Variants in BAZ2A observed in about 807,000 individuals in gnomAD.
BAZ2A encodes the protein bromodomain adjacent to zinc finger domain protein 2A.
A neutral mutation model predicts 199.9 loss-of-function variants in BAZ2A; 34 were observed. That is an observed-to-expected ratio of 0.17 (90% CI 0.13 to 0.23). BAZ2A has a LOEUF of 0.23. Ranked by LOEUF, BAZ2A falls within the 10% of genes least tolerant of loss-of-function variation. The pLI, the probability that BAZ2A is intolerant of heterozygous loss-of-function variation, is 1.00. For synonymous variants in BAZ2A, 857 were observed against 883.9 expected (o/e 0.97, Z 0.54); for missense variants, 2,002 against 2,391.1 (o/e 0.84, Z 3.39).
chr12:56,611,326 C>T, intron 7 of BAZ2A: 5 of 564,164 alleles, frequency 8.9e-6, no homozygotes, highest in Non-Finnish European at 1.6e-5. Context: ...AGCTGGAGCT[C>T]CTTGGGCAAA....
At chr12:56,606,199 G>T (rs1950346427) in intron 12 of BAZ2A, 48 bp downstream of exon 12, 2 of 1,611,538 alleles carry the variant, frequency 1.2e-6, no homozygotes, top group Non-Finnish European at 1.7e-6. Context: ...TGCAAAATCA[G>T]TTTAGTGGCT....
chr12:56,617,888 T>C (rs1950774843), intron 1 of BAZ2A, among the ~76,000 whole-genome samples: 1 of 152,074 alleles, frequency 6.6e-6, no homozygotes, highest in Non-Finnish European at 1.5e-5. Context: ...CACTTAACAT[T>C]CTCCATCCTT....
chr12:56,633,625 C>T (rs142796267), upstream of BAZ2A, among the ~76,000 whole-genome samples: 413 of 152,178 alleles, frequency 2.7e-3, 8 homozygotes, highest in Admixed American at 0.023. Flanking sequence ...TAGACCCCCC[C>T]ACCAGGTTAA....
At position 56,617,394 on chromosome 12, in the gene BAZ2A, C is replaced by T; in HGVS notation, c.136+1G>A. 2.5e-6 allele frequency: 4 copies of T among 1,597,764 alleles called. No homozygotes were observed. The highest frequency in any genetic ancestry group is 3.4e-6 in the Non-Finnish European group (4 of 1,172,218). ...CCAGGCCAAGCAGCCCTCACACTCA[C>T]TTTTCCCTTGCTGGGGGAAGTTCAT... is the stretch of plus-strand genomic sequence containing the variant. On this transcript the variant is annotated splice_donor_variant, in intron 2 of 28. Transcript: ENST00000549884. LOFTEE classifies it high-confidence loss of function.
At chr12:56,599,454 A>G (rs1886195369) in intron 26 of BAZ2A, 96 bp from the exon 27 acceptor site, 1 of 1,386,652 alleles carries the variant, frequency 7.2e-7, no homozygotes, top group Non-Finnish European at 9.8e-7. Flanking sequence ...GCTTCAAAAT[A>G]CTATCATGCA....
chr12:56,616,064 C>T (rs541818568), intron 2 of BAZ2A, among the ~76,000 whole-genome samples: 3 of 152,116 alleles, frequency 2.0e-5, no homozygotes, highest in Admixed American at 6.5e-5. Flanking sequence ...TCACCACGCC[C>T]GGCTAATTTT....
Position 56,630,152 on chromosome 12 carries a change from G to C in BAZ2A, c.-30C>G, listed in dbSNP as rs1951258910. 1 of 985,552 alleles carries C rather than the reference G, an allele frequency of 1.0e-6. No individual in the cohort carries two copies. The highest frequency in any genetic ancestry group is 1.2e-6 in the Non-Finnish European group (1 of 829,996). 61.1% of individuals were successfully genotyped at this position (985,552 alleles called of 1,614,324 possible). A position where few individuals can be genotyped will look rare whatever the true frequency, so the allele number is the denominator to read the frequency against. ...GAGGCAGCGGCGTCCAGCCGGGCTC[G>C]GGGCTCGTCTCTCCCCGGGGTACAA... On this transcript the variant is annotated 5_prime_UTR_variant, in exon 1 of 29. Coordinates refer to ENST00000549884, the MANE Select transcript of BAZ2A (RefSeq NM_001300905.2).
At chr12:56,630,851 G>A (rs1029215134), upstream of BAZ2A, 28 of 985,366 alleles carry the variant, frequency 2.8e-5, no homozygotes, top group Admixed American at 1.8e-4. Flanking sequence ...CCTGGTCACC[G>A]GAAAGGAAAG....
chr12:56,633,984 T>A (rs1329112441), upstream of BAZ2A, among the ~76,000 whole-genome samples: 2 of 152,116 alleles, frequency 1.3e-5, no homozygotes, highest in African/African-American at 4.8e-5. Flanking sequence ...CTGCCCACCT[T>A]GGCCTCCCAA....
At chr12:56,636,113 CCTG>C (rs1435905491) in intron 1 of BAZ2A, 22 of 1,510,462 alleles carry the variant, frequency 1.5e-5, no homozygotes, top group Non-Finnish European at 2.0e-5. Context: ...AGGCCCCACC[CCTG>C]CTGAGTCAGC....
chr12:56,625,212 G>A (rs1042932973), intron 1 of BAZ2A, among the ~76,000 whole-genome samples: 2 of 143,542 alleles, frequency 1.4e-5, no homozygotes, highest in Non-Finnish European at 3.0e-5. Context: ...CTGGGGTGCA[G>A]TGGCACGATC....
upstream of BAZ2A, among the ~76,000 whole-genome samples, chr12:56,631,208 T>G (rs1482259337): frequency 6.6e-6 from 1 of 152,078 alleles, no homozygotes; most frequent in African/African-American, 2.4e-5. Flanking sequence ...ATCCCAGCAC[T>G]TTGGGAGGCC....
Position 56,630,176 on chromosome 12 carries a change from A to T in BAZ2A, c.-54T>A. On this transcript the variant is annotated 5_prime_UTR_variant, in exon 1 of 29. Transcript: ENST00000549884. The stretch of plus-strand genomic sequence containing the variant: ...CGGGGCTCGTCTCTCCCCGGGGTAC[A>T]AGCGGTTCACATGGCCGCGCTCCGG... The T allele has an allele frequency of 1.0e-6, 1 of 985,614 alleles. No homozygotes were observed. The highest frequency in any genetic ancestry group is 1.2e-6 in the Non-Finnish European group (1 of 830,064). 61.1% of individuals were successfully genotyped at this position (985,614 alleles called of 1,614,324 possible).
chr12:56,630,571 G>T (rs887617638), upstream of BAZ2A, among the ~76,000 whole-genome samples: 21 of 152,258 alleles, frequency 1.4e-4, no homozygotes, highest in Non-Finnish European at 2.2e-4. Flanking sequence ...CAGTCCCAAG[G>T]TTAACTTAAA....
rs1265338142 is a variant in BAZ2A at position 56,611,951 on chromosome 12, T to C, written c.1431A>G (p.Ala477=). The C allele has an allele frequency of 6.2e-7, 1 of 1,612,922 alleles. No homozygotes were observed. The highest frequency in any genetic ancestry group is 8.5e-7 in the Non-Finnish European group (1 of 1,179,526). ...CCGTCAACGGGACTTCTAAGGAGAC[T>C]GCTGGGAGGACTGCTGAGGAAGCTG... ...VSPASSAVLP[A]VSLEVPLTAS... The change falls in exon 6 of 29, where the codon GCA becomes GCG. Residue 477 remains alanine, a synonymous_variant. Coordinates refer to ENST00000549884, the MANE Select transcript of BAZ2A (RefSeq NM_001300905.2).
intron 1 of BAZ2A, chr12:56,636,038 G>A: frequency 9.6e-7 from 1 of 1,037,134 alleles, no homozygotes; most frequent in Non-Finnish European, 1.4e-6. Flanking sequence ...CGCTAGCTGA[G>A]CCCTGTGCCC....
intron 18 of BAZ2A, among the ~76,000 whole-genome samples, chr12:56,603,132 T>G (rs1950235398): frequency 6.6e-6 from 1 of 152,122 alleles, no homozygotes; most frequent in African/African-American, 2.4e-5. Context: ...AACACAAAAA[T>G]TAGCCAGGCA....
At chr12:56,601,149 C>T (rs1329192496) in intron 21 of BAZ2A, 31 bp downstream of exon 21, 2 of 1,613,994 alleles carry the variant, frequency 1.2e-6, no homozygotes, top group Non-Finnish European at 1.7e-6. Flanking sequence ...GCACTGCCCA[C>T]ACCGGATGCC....
At position 56,605,247 on chromosome 12, in the gene BAZ2A, G is replaced by A; in HGVS notation, c.2574C>T (p.Phe858=). 3 of 1,613,810 alleles carry A rather than the reference G, an allele frequency of 1.9e-6. No homozygotes were observed. The highest frequency in any genetic ancestry group is 2.5e-6 in the Non-Finnish European group (3 of 1,179,848). Residue 858 remains phenylalanine, a synonymous_variant, in exon 14 of 29, where the codon TTC becomes TTT. Transcript: ENST00000549884. ...CCAGCACCTTGCCAAAGCTATGCAG[G>A]AACTCCACAATGGTCAAGCAGTCTG... ...AFSDCLTIVE[F]LHSFGKVLGF...
Sources: allele counts gnomAD v4.1 joint callset (sites outside exome capture counted in the v4.1 genomes callset), GRCh38; gene constraint gnomAD v4.1.1; transcripts MANE v1.5; gene names NCBI Gene and HGNC (gene_info 2026-07-23, HGNC 2026-07-21).